The following TAF11L14 variants were observed in gnomAD, a reference collection of about 807,000 sequenced individuals.
The protein encoded by TAF11L14 is TATA-box binding protein associated factor 11 like 14, also known as TATA-box-binding protein-associated factor 11-like protein 14.
exon 1 of TAF11L14, chr5:17,634,862 C>A: frequency 5.0e-6 from 2 of 398,462 alleles, no homozygotes; most frequent in East Asian, 7.1e-5. Context: ...GAGATCGGTG[C>A]CTGAGAACAT....
chr5:17,634,663 A>T (rs1453191547), exon 1 of TAF11L14: 2 of 398,668 alleles, frequency 5.0e-6, no homozygotes, highest in African/African-American at 4.1e-5. Context: ...CTCCTCCTGC[A>T]GCCAAAAGAC....
exon 1 of TAF11L14, chr5:17,634,551 C>T: frequency 2.5e-6 from 1 of 398,208 alleles, no homozygotes; most frequent in Non-Finnish European, 4.4e-6. Context: ...ATCCCTGAGG[C>T]CCTAGATGGG....
At position 17,635,051 on chromosome 5, in the gene TAF11L14, T is replaced by C. The variant is rs566574395; in HGVS notation, c.592T>C (p.Ter198GlnextTer?). The change falls in exon 1 of 1, where the codon TAG (stop) becomes CAG (glutamine). Residue 198 changes from the stop codon to glutamine, a stop_lost. Coordinates refer to ENST00000512227, the Ensembl canonical transcript of TAF11L14. ...CAACAACTATAAAAAAGTCATGTTC[T>C]AGGCCCAAGGCCAGAGGGAAGGGTC... 28 of 398,556 alleles carry C rather than the reference T, an allele frequency of 7.0e-5. 2 individuals carry two copies. The highest frequency in any genetic ancestry group is 5.8e-4 in the African/African-American group (28 of 48,638). 24.7% of individuals were successfully genotyped at this position (398,556 alleles called of 1,614,324 possible).
chr5:17,634,679 A>T, exon 1 of TAF11L14: 1 of 398,864 alleles, frequency 2.5e-6, no homozygotes, highest in Non-Finnish European at 4.4e-6. Flanking sequence ...AAGACAGAAA[A>T]CAGATACCAA....
exon 1 of TAF11L14, chr5:17,634,835 A>G (rs1387490838): frequency 2.5e-6 from 1 of 398,536 alleles, no homozygotes; most frequent in Non-Finnish European, 4.4e-6. Flanking sequence ...TGCACGTCTG[A>G]TGTGGTCTAT....
rs1160717467 is a variant in TAF11L14 at position 17,634,965 on chromosome 5, C to T, written c.506C>T (p.Pro169Leu). Residue 169 changes from proline to leucine, a missense_variant, in exon 1 of 1, where the codon CCA (proline) becomes CTA (leucine). Transcript: ENST00000512227. Reference sequence around the variant, plus strand: ...TGTGAGATGTGGGGAGAAATGCCCCCATTGCAGCCCATGGATTTAAGGGAG... The same window carrying T: ...TGTGAGATGTGGGGAGAAATGCCCCTATTGCAGCCCATGGATTTAAGGGAG... 9 of 398,268 alleles carry T rather than the reference C, an allele frequency of 2.3e-5. 1 individual carries two copies. The highest frequency in any genetic ancestry group is 4.0e-5 in the Non-Finnish European group (9 of 225,778). 24.7% of individuals were successfully genotyped at this position (398,268 alleles called of 1,614,324 possible).
chr5:17,634,774 G>A lies in TAF11L14; in HGVS notation c.315G>A (p.Gln105=), dbSNP rs1445671108. 2.0e-5 allele frequency: 8 copies of A among 398,830 alleles called. 1 individual carries two copies. The highest frequency in any genetic ancestry group is 3.5e-5 in the Non-Finnish European group (8 of 226,042). 24.7% of individuals were successfully genotyped at this position (398,830 alleles called of 1,614,324 possible). A position where few individuals can be genotyped will look rare whatever the true frequency, so the allele number is the denominator to read the frequency against. Residue 105 remains glutamine, a synonymous_variant, in exon 1 of 1, where the codon CAG becomes CAA. Transcript: ENST00000512227. ...TGCTGTCTGCCATGTCTGAGGAGCA[G>A]CTGTCCCGCTATGAAGTGTGTCGCC...
At chr5:17,634,933 G>A in exon 1 of TAF11L14, 2 of 398,518 alleles carry the variant, frequency 5.0e-6, no homozygotes, top group Non-Finnish European at 8.9e-6. Flanking sequence ...AAGAGGCCCT[G>A]GACATGTGTG....
Sources: allele counts gnomAD v4.1 joint callset, GRCh38; gene constraint gnomAD v4.1.1; transcripts MANE v1.5; gene names NCBI Gene and HGNC (gene_info 2026-07-23, HGNC 2026-07-21).